CSMD1: variants seen among roughly 807,000 people sequenced by gnomAD.
CSMD1 encodes the protein CUB and sushi domain-containing protein 1.
Under a neutral mutation model 417.5 loss-of-function variants are expected in CSMD1, and 213 were observed. The ratio of observed to expected loss-of-function variants is 0.51; its 90% confidence interval spans 0.46 to 0.57. CSMD1 has a LOEUF of 0.57. CSMD1 is among the 20% of genes least tolerant of loss of function. The probability of loss-of-function intolerance (pLI) is 0.00; values close to 1 mark genes in which losing one functional copy is unlikely to be tolerated. For synonymous variants in CSMD1, 2,862 were observed against 1,736.8 expected (o/e 1.65, Z -16.11); for missense variants, 6,923 against 4,529.7 (o/e 1.53, Z -15.17).
chr8:3,957,950 A>G (rs900535046), intron 5 of CSMD1, among the ~76,000 whole-genome samples: 11 of 152,222 alleles, frequency 7.2e-5, no homozygotes, highest in African/African-American at 2.2e-4. Flanking sequence ...CCTGCAGGGT[A>G]TAAAATATTT....
At chr8:4,921,609 A>C (rs1806504285) in intron 1 of CSMD1, among the ~76,000 whole-genome samples, 1 of 152,140 alleles carries the variant, frequency 6.6e-6, no homozygotes, top group Admixed American at 6.5e-5. Context: ...AATACCTTTT[A>C]TTTTACTCAG....
intron 17 of CSMD1, among the ~76,000 whole-genome samples, chr8:3,392,455 T>C (rs900667161): frequency 6.6e-6 from 1 of 152,052 alleles, no homozygotes; most frequent in Non-Finnish European, 1.5e-5. Context: ...GTTGGTAGCA[T>C]TTTTCTCTTC....
At chr8:3,719,592 GC>G (rs1802031838) in intron 6 of CSMD1, among the ~76,000 whole-genome samples, 1 of 152,154 alleles carries the variant, frequency 6.6e-6, no homozygotes, top group Non-Finnish European at 1.5e-5. Context: ...TTGCAAGAGT[GC>G]TGTGATGAAC....
intron 3 of CSMD1, among the ~76,000 whole-genome samples, chr8:4,188,434 T>C (rs1450691541): frequency 6.6e-6 from 1 of 152,134 alleles, no homozygotes; most frequent in South Asian, 2.1e-4. Context: ...CAGATACAAG[T>C]CCTGAAATCC....
intron 3 of CSMD1, among the ~76,000 whole-genome samples, chr8:4,273,523 C>A (rs1804731373): frequency 6.6e-6 from 1 of 152,076 alleles, no homozygotes; most frequent in Admixed American, 6.6e-5. Context: ...GAATAGAGGA[C>A]ATTCTATTAA....
chr8:3,789,339 T>G (rs1041840631), intron 5 of CSMD1, among the ~76,000 whole-genome samples: 1 of 151,452 alleles, frequency 6.6e-6, no homozygotes. Context: ...ATACAGAGAA[T>G]AATGTAACTT....
At chr8:4,096,267 A>G (rs1801003984) in intron 3 of CSMD1, among the ~76,000 whole-genome samples, 1 of 152,150 alleles carries the variant, frequency 6.6e-6, no homozygotes, top group South Asian at 2.1e-4. Flanking sequence ...TCTTGATAGC[A>G]AGCAGGCCCT....
At chr8:4,702,073 A>C (rs1807594276) in intron 1 of CSMD1, among the ~76,000 whole-genome samples, 1 of 152,172 alleles carries the variant, frequency 6.6e-6, no homozygotes, top group African/African-American at 2.4e-5. Context: ...ACACATGGAC[A>C]CAGGAAAGGG....
chr8:3,923,020 A>T (rs986736183), intron 5 of CSMD1, among the ~76,000 whole-genome samples: 3 of 152,182 alleles, frequency 2.0e-5, no homozygotes, highest in African/African-American at 4.8e-5. Flanking sequence ...TATGTTAGTT[A>T]TTGAAAAACA....
intron 7 of CSMD1, among the ~76,000 whole-genome samples, chr8:3,664,781 T>G (rs1798598733): frequency 6.6e-6 from 1 of 152,200 alleles, no homozygotes; most frequent in Non-Finnish European, 1.5e-5. Flanking sequence ...ATCCTGACAC[T>G]GGTAAAACTG....
At chr8:3,001,402 T>C (rs1197143188) in intron 52 of CSMD1, among the ~76,000 whole-genome samples, 2 of 152,140 alleles carry the variant, frequency 1.3e-5, no homozygotes, top group South Asian at 2.1e-4. Flanking sequence ...CTCGCATATA[T>C]GGAAAGGGTA....
chr8:4,187,776 T>C (rs2131201520), intron 3 of CSMD1, among the ~76,000 whole-genome samples: 1 of 149,872 alleles, frequency 6.7e-6, no homozygotes, highest in East Asian at 2.0e-4. Context: ...ACTCTCACCA[T>C]ATAGTAAAAT....
At chr8:3,179,583 T>C (rs1042947846) in intron 37 of CSMD1, among the ~76,000 whole-genome samples, 1 of 152,174 alleles carries the variant, frequency 6.6e-6, no homozygotes, top group Non-Finnish European at 1.5e-5. Flanking sequence ...TATATAATAA[T>C]AAGCATAGAT....
chr8:4,695,666 G>T, intron 1 of CSMD1, among the ~76,000 whole-genome samples: 1 of 152,006 alleles, frequency 6.6e-6, no homozygotes, highest in East Asian at 1.9e-4. Flanking sequence ...AGAACCTATA[G>T]ACCTAGGTTG....
intron 1 of CSMD1, among the ~76,000 whole-genome samples, chr8:4,739,162 A>C (rs1431331292): frequency 6.6e-6 from 1 of 152,200 alleles, no homozygotes; most frequent in African/African-American, 2.4e-5. Flanking sequence ...TTTACTTCCT[A>C]ATAGCTCATT....
intron 3 of CSMD1, among the ~76,000 whole-genome samples, chr8:4,280,355 A>C (rs750902222): frequency 2.6e-5 from 4 of 152,224 alleles, no homozygotes; most frequent in Non-Finnish European, 5.9e-5. Flanking sequence ...AATTTCTAAT[A>C]AATAATAATT....
intron 30 of CSMD1, among the ~76,000 whole-genome samples, chr8:3,209,071 C>T (rs939035376): frequency 6.6e-6 from 1 of 152,018 alleles, no homozygotes; most frequent in East Asian, 1.9e-4. Context: ...AAGAGCATTG[C>T]CTTATGATAG....
At chr8:4,042,293 G>C (rs1203679266) in intron 3 of CSMD1, among the ~76,000 whole-genome samples, 2 of 152,120 alleles carry the variant, frequency 1.3e-5, no homozygotes, top group Admixed American at 1.3e-4. Context: ...CTACTAGTGG[G>C]GGTAGGAGTA....
chr8:4,048,475 C>A (rs1045877806), intron 3 of CSMD1, among the ~76,000 whole-genome samples: 5 of 152,168 alleles, frequency 3.3e-5, no homozygotes, highest in African/African-American at 7.2e-5. Context: ...CTACTATTAT[C>A]CCCATTTTAA....
Sources: allele counts gnomAD v4.1 joint callset (sites outside exome capture counted in the v4.1 genomes callset), GRCh38; gene constraint gnomAD v4.1.1; transcripts MANE v1.5; gene names NCBI Gene and HGNC (gene_info 2026-07-23, HGNC 2026-07-21).